GMDS: variants seen among roughly 807,000 people sequenced by gnomAD.
GMDS encodes the protein GDP-mannose 4,6-dehydratase, also known as GDP-mannose 4,6 dehydratase.
A neutral mutation model predicts 49.9 loss-of-function variants in GMDS; 20 were observed. The ratio of observed to expected loss-of-function variants is 0.40; its 90% CI spans 0.28 to 0.58. The LOEUF (loss-of-function observed/expected upper bound fraction) is 0.58. Among genes scored for constraint, GMDS ranks in the 20% least tolerant of loss-of-function variants. The pLI is 0.42. For missense variants in GMDS, 362 were observed against 481.4 expected, an observed-to-expected ratio of 0.75 and a Z score of 2.32; for synonymous variants, 177 against 178.6, an observed-to-expected ratio of 0.99 and a Z score of 0.07.
At chr6:1,702,188 C>T (rs576301373) in intron 9 of GMDS, among the ~76,000 whole-genome samples, 1 of 152,228 alleles carries the variant, frequency 6.6e-6, no homozygotes, top group Non-Finnish European at 1.5e-5. Flanking sequence ...AGCTGGACTC[C>T]GACTCTTCGT....
At chr6:2,045,855 C>T (rs772416649) in intron 4 of GMDS, among the ~76,000 whole-genome samples, 12 of 152,246 alleles carry the variant, frequency 7.9e-5, no homozygotes, top group Non-Finnish European at 1.6e-4. Context: ...CACCACTAGA[C>T]ATGGATGAAG....
At chr6:2,075,272 T>C (rs1772264197) in intron 4 of GMDS, among the ~76,000 whole-genome samples, 1 of 152,098 alleles carries the variant, frequency 6.6e-6, no homozygotes, top group East Asian at 1.9e-4. Flanking sequence ...TACAGGAAAG[T>C]GGATTTTTTA....
chr6:2,234,696 G>C (rs1171544147), intron 1 of GMDS, among the ~76,000 whole-genome samples: 4 of 152,190 alleles, frequency 2.6e-5, no homozygotes, highest in African/African-American at 9.7e-5. Context: ...GGCCCTATTA[G>C]CATATGGTAG....
At chr6:1,942,913 C>T (rs1762886743) in intron 6 of GMDS, among the ~76,000 whole-genome samples, 1 of 152,258 alleles carries the variant, frequency 6.6e-6, no homozygotes, top group African/African-American at 2.4e-5. Context: ...AGGCCCTTAT[C>T]ATTTTCTTTA....
intron 1 of GMDS, among the ~76,000 whole-genome samples, chr6:2,167,090 T>G (rs1251892745): frequency 6.6e-6 from 1 of 152,206 alleles, no homozygotes; most frequent in East Asian, 1.9e-4. Flanking sequence ...CATTACACTT[T>G]CCCATTTCAG....
chr6:1,673,078 G>A (rs532922365), intron 9 of GMDS, among the ~76,000 whole-genome samples: 1 of 152,362 alleles, frequency 6.6e-6, no homozygotes, highest in South Asian at 2.1e-4. Flanking sequence ...AGGCCCACCA[G>A]TGGCTTGAAC....
At chr6:2,212,361 A>T (rs939975300) in intron 1 of GMDS, among the ~76,000 whole-genome samples, 3 of 152,236 alleles carry the variant, frequency 2.0e-5, no homozygotes, top group African/African-American at 4.8e-5. Context: ...AAGCTTAGAC[A>T]AAACACTGCT....
At chr6:1,650,179 T>C (rs1041846263) in intron 9 of GMDS, among the ~76,000 whole-genome samples, 3 of 152,122 alleles carry the variant, frequency 2.0e-5, no homozygotes, top group African/African-American at 7.2e-5. Context: ...GTGCCAATAC[T>C]ATCAGCAACT....
intron 7 of GMDS, among the ~76,000 whole-genome samples, chr6:1,791,856 T>C (rs1769555687): frequency 6.6e-6 from 1 of 152,168 alleles, no homozygotes; most frequent in South Asian, 2.1e-4. Context: ...ATATAAGTAA[T>C]ATAGAAAGTC....
Position 2,101,563 on chromosome 6 carries a change from G to A in GMDS, c.345+14208C>T, listed in dbSNP as rs529832749. The stretch of plus-strand genomic sequence containing the variant: ...AGAGAAAGAGAAAAGAATCTCCCAC[G>A]AAATGAGAGAAAGTATATCAAATCT... On this transcript the variant is annotated intron_variant, in intron 4 of 10. Coordinates refer to ENST00000380815, the MANE Select transcript of GMDS (RefSeq NM_001500.4). 1.6e-3 allele frequency among the ~76,000 whole-genome samples: 245 copies of A among 151,992 alleles called. 2 individuals carry two copies. The highest frequency in any genetic ancestry group is 5.1e-3 in the African/African-American group (212 of 41,498).
intron 1 of GMDS, among the ~76,000 whole-genome samples, chr6:2,135,555 C>CTTTTTTTTTTTTT (rs1276419101): frequency 2.0e-5 from 3 of 152,026 alleles, no homozygotes; most frequent in South Asian, 2.1e-4. Flanking sequence ...ATTTGAGTTT[C>CTTTTTTTTTTTTT]TATAATCTAG....
chr6:1,758,842 A>C (rs1768053679), intron 7 of GMDS, among the ~76,000 whole-genome samples: 1 of 152,218 alleles, frequency 6.6e-6, no homozygotes, highest in Non-Finnish European at 1.5e-5. Context: ...AAGCCAAGGC[A>C]GGTGGATCAC....
At chr6:1,814,645 T>C (rs1388953525) in intron 7 of GMDS, among the ~76,000 whole-genome samples, 2 of 152,216 alleles carry the variant, frequency 1.3e-5, no homozygotes, top group African/African-American at 4.8e-5. Context: ...TATGAAGAAA[T>C]ATCACATGGA....
intron 1 of GMDS, among the ~76,000 whole-genome samples, chr6:2,162,265 T>C (rs1011362458): frequency 1.3e-5 from 2 of 152,118 alleles, no homozygotes; most frequent in Admixed American, 1.3e-4. Context: ...CTACATGACC[T>C]GGGAATTGTG....
chr6:1,895,704 G>A (rs1374734421), intron 7 of GMDS, among the ~76,000 whole-genome samples: 1 of 152,112 alleles, frequency 6.6e-6, no homozygotes, highest in African/African-American at 2.4e-5. Context: ...AAATGAACAT[G>A]CACGCCAGTT....
Position 1,824,977 on chromosome 6 carries a change from A to T in GMDS, c.772-82391T>A, listed in dbSNP as rs149613050. Among the ~76,000 whole-genome samples, 18 of 152,268 alleles carry T rather than the reference A, an allele frequency of 1.2e-4. No individual in the cohort carries two copies. In the East Asian group the frequency reaches 3.5e-3, roughly 29 times the overall value. On this transcript the variant is annotated intron_variant, in intron 7 of 10. Transcript: ENST00000380815. ...TCGGGCACCCAGCACGGTGCCTTAC[A>T]CATAGTAGGTGCTTACTAAATATGT...
intron 7 of GMDS, among the ~76,000 whole-genome samples, chr6:1,875,747 T>C (rs562884829): frequency 1.8e-4 from 27 of 152,172 alleles, no homozygotes; most frequent in Admixed American, 5.9e-4. Context: ...TGAGCATAGC[T>C]GGGTGTGGTG....
intron 4 of GMDS, among the ~76,000 whole-genome samples, chr6:1,990,510 T>C (rs1765866489): frequency 6.6e-6 from 1 of 152,224 alleles, no homozygotes; most frequent in Admixed American, 6.5e-5. Flanking sequence ...TCAATTAACC[T>C]GTATTCTTAC....
At chr6:2,151,220 A>G (rs986951290) in intron 1 of GMDS, among the ~76,000 whole-genome samples, 2 of 152,132 alleles carry the variant, frequency 1.3e-5, no homozygotes, top group Admixed American at 1.3e-4. Flanking sequence ...GATGATGGAC[A>G]TTCCATTTAC....
Sources: gnomAD v4.1 joint callset for allele counts (sites outside exome capture counted in the v4.1 genomes callset) on GRCh38, gnomAD v4.1.1 for gene constraint, MANE v1.5 for transcripts, NCBI Gene and HGNC (gene_info 2026-07-23, HGNC 2026-07-21) for gene names.